SORBS2: variants seen among roughly 807,000 people sequenced by gnomAD.
The protein encoded by SORBS2 is sorbin and SH3 domain-containing protein 2.
A neutral mutation model predicts 97.7 loss-of-function variants in SORBS2; 46 were observed. That is an observed-to-expected ratio of 0.47 (90% CI 0.37 to 0.60). The LOEUF is 0.60. SORBS2 is among the 20% of genes least tolerant of loss of function. The pLI is 0.00. For synonymous variants in SORBS2, 476 were observed against 473.4 expected, an observed-to-expected ratio of 1.01 and a Z score of -0.07; for missense variants, 1,316 against 1,282.3, an observed-to-expected ratio of 1.03 and a Z score of -0.40.
intron 12 of SORBS2, among the ~76,000 whole-genome samples, chr4:185,598,671 T>C (rs2096178745): frequency 6.6e-6 from 1 of 152,220 alleles, no homozygotes; most frequent in African/African-American, 2.4e-5. Context: ...TCTTTTTTTA[T>C]AAAATATTAG....
At chr4:185,806,273 A>G (rs967431526) in intron 1 of SORBS2, among the ~76,000 whole-genome samples, 9 of 152,210 alleles carry the variant, frequency 5.9e-5, no homozygotes, top group Admixed American at 6.5e-5. Context: ...AGAGGAGACT[A>G]GAATGAATAT....
chr4:185,676,772 A>G (rs568291985), intron 4 of SORBS2, among the ~76,000 whole-genome samples: 1 of 152,014 alleles, frequency 6.6e-6, no homozygotes, highest in Non-Finnish European at 1.5e-5. Flanking sequence ...TTAGAACATG[A>G]TTTCTGGATG....
At chr4:185,862,989 C>A (rs968336503) in intron 1 of SORBS2, among the ~76,000 whole-genome samples, 1 of 152,218 alleles carries the variant, frequency 6.6e-6, no homozygotes, top group Non-Finnish European at 1.5e-5. Context: ...TACCTCTATG[C>A]CCCCTCATCC....
At chr4:185,881,597 GA>G (rs1317379451) in intron 1 of SORBS2, among the ~76,000 whole-genome samples, 1 of 152,098 alleles carries the variant, frequency 6.6e-6, no homozygotes, top group Non-Finnish European at 1.5e-5. Context: ...TTATTTTTGA[GA>G]AAAAATGCCA....
intron 2 of SORBS2, among the ~76,000 whole-genome samples, chr4:185,699,309 C>G (rs2098224977): frequency 1.0e-5 from 1 of 97,804 alleles, no homozygotes; most frequent in Non-Finnish European, 2.0e-5. Context: ...TTTTTTGAGA[C>G]AGAGTCTCGC....
Position 185,866,883 on chromosome 4 carries a change from A to C in SORBS2, c.-338+89313T>G, listed in dbSNP as rs138444752. ...TTCTATGCCCAAGCATTGGCATTAC[A>C]GAACAAGGGAATAAAGGCAGGACTC... On this transcript the variant is annotated intron_variant, in intron 1 of 20. Coordinates refer to the SORBS2 transcript ENST00000284776. 2.8e-3 allele frequency among the ~76,000 whole-genome samples: 419 copies of C among 151,632 alleles called. 13 individuals carry two copies. The highest frequency in any genetic ancestry group is 0.026 in the Admixed American group (393 of 15,212).
intron 1 of SORBS2, among the ~76,000 whole-genome samples, chr4:185,799,725 C>A (rs2099121524): frequency 1.3e-5 from 2 of 152,222 alleles, no homozygotes; most frequent in African/African-American, 2.4e-5. Context: ...GTCTGTGAGA[C>A]CTTCTTTGCG....
At chr4:185,597,514 T>C (rs1177311243) in intron 12 of SORBS2, among the ~76,000 whole-genome samples, 5 of 152,048 alleles carry the variant, frequency 3.3e-5, no homozygotes, top group Non-Finnish European at 7.4e-5. Flanking sequence ...ATACGACAAA[T>C]AGGTAAAAAA....
Position 185,851,706 on chromosome 4 carries a change from C to T in SORBS2, c.-337-76340G>A, listed in dbSNP as rs113360775. Reference sequence around the variant, plus strand: ...GGCACCATCTAATCAGCTGCCAGCACGGCCAGAATAAAAAGCAGGCAGAGG... The same window carrying T: ...GGCACCATCTAATCAGCTGCCAGCATGGCCAGAATAAAAAGCAGGCAGAGG... On this transcript the variant is annotated intron_variant, in intron 1 of 20. Transcript: ENST00000284776. Among the ~76,000 whole-genome samples the T allele has an allele frequency of 2.9e-4, 44 of 152,172 alleles. 3 individuals carry two copies. The highest frequency in any genetic ancestry group is 4.6e-4 in the African/African-American group (19 of 41,510).
At chr4:185,733,095 A>G (rs1016614924) in intron 2 of SORBS2, among the ~76,000 whole-genome samples, 1 of 152,162 alleles carries the variant, frequency 6.6e-6, no homozygotes, top group African/African-American at 2.4e-5. Flanking sequence ...GTGTGAGACA[A>G]TAGATTTCTG....
At chr4:185,855,818 G>C (rs2099220373) in intron 1 of SORBS2, among the ~76,000 whole-genome samples, 1 of 152,058 alleles carries the variant, frequency 6.6e-6, no homozygotes, top group South Asian at 2.1e-4. Context: ...TTTACATCTG[G>C]GACCCTAGTT....
At chr4:185,765,180 A>G (rs1265932285) in intron 2 of SORBS2, among the ~76,000 whole-genome samples, 1 of 152,156 alleles carries the variant, frequency 6.6e-6, no homozygotes, top group Non-Finnish European at 1.5e-5. Context: ...TCATGAAAAT[A>G]TTTTATTCAA....
At chr4:185,753,809 T>C (rs10027404) in intron 2 of SORBS2, among the ~76,000 whole-genome samples, 28,338 of 152,202 alleles carry the variant, frequency 0.19, 2,814 homozygotes, top group Middle Eastern at 0.27. Flanking sequence ...TATTCACCTA[T>C]CTTTTTAAAA....
chr4:185,669,553 G>A (rs2097676044), intron 4 of SORBS2, among the ~76,000 whole-genome samples: 1 of 152,120 alleles, frequency 6.6e-6, no homozygotes, highest in Non-Finnish European at 1.5e-5. Flanking sequence ...AGGAGTGCAT[G>A]GCCAGGCCTC....
At chr4:185,640,095 A>G (rs1437254398) in intron 4 of SORBS2, among the ~76,000 whole-genome samples, 2 of 152,200 alleles carry the variant, frequency 1.3e-5, no homozygotes, top group Non-Finnish European at 2.9e-5. Context: ...ATTTTATAAT[A>G]AAAGATTATA....
chr4:185,938,391 C>A (rs1222751916), intron 1 of SORBS2, among the ~76,000 whole-genome samples: 1 of 70,684 alleles, frequency 1.4e-5, no homozygotes, highest in Non-Finnish European at 3.3e-5. Context: ...TAGACACATA[C>A]ACACACACAC....
intron 1 of SORBS2, among the ~76,000 whole-genome samples, chr4:185,866,035 C>G (rs2099226702): frequency 6.6e-6 from 1 of 152,078 alleles, no homozygotes; most frequent in Admixed American, 6.6e-5. Flanking sequence ...TACAAATTGC[C>G]AAAGGAAATT....
At chr4:185,839,334 T>C (rs2099210115) in intron 1 of SORBS2, among the ~76,000 whole-genome samples, 1 of 152,166 alleles carries the variant, frequency 6.6e-6, no homozygotes, top group African/African-American at 2.4e-5. Context: ...AATGAGTCAT[T>C]AGACCAGGAC....
At chr4:185,941,312 T>G (rs939223753) in intron 1 of SORBS2, among the ~76,000 whole-genome samples, 1 of 152,216 alleles carries the variant, frequency 6.6e-6, no homozygotes, top group Non-Finnish European at 1.5e-5. Context: ...AGAATTTGAA[T>G]GTAGATGGTC....
Sources: allele counts gnomAD v4.1 joint callset (sites outside exome capture counted in the v4.1 genomes callset), GRCh38; gene constraint gnomAD v4.1.1; transcripts MANE v1.5; gene names NCBI Gene and HGNC (gene_info 2026-07-23, HGNC 2026-07-21).